Variants in SGCZ observed in about 807,000 individuals in gnomAD.
SGCZ encodes the protein zeta-sarcoglycan.
A neutral mutation model predicts 41.3 loss-of-function variants in SGCZ; 40 were observed. The ratio of observed to expected loss-of-function variants is 0.97; its 90% CI spans 0.75 to 1.26. The LOEUF is 1.26. SGCZ is among the 50% of genes most tolerant of loss of function. The pLI, the probability that SGCZ is intolerant of heterozygous loss-of-function variation, is 0.00. For synonymous variants in SGCZ, 206 were observed against 137.5 expected, an observed-to-expected ratio of 1.50 and a Z score of -3.49; for missense variants, 552 against 369.8, an observed-to-expected ratio of 1.49 and a Z score of -4.04.
chr8:15,183,971 G>T (rs1002310146), intron 1 of SGCZ, among the ~76,000 whole-genome samples: 3 of 152,058 alleles, frequency 2.0e-5, no homozygotes, highest in Non-Finnish European at 4.4e-5. Context: ...AAGAATTATT[G>T]TAAGAAAGAA....
chr8:14,594,825 T>G (rs534075069), intron 1 of SGCZ, among the ~76,000 whole-genome samples: 1 of 151,886 alleles, frequency 6.6e-6, no homozygotes, highest in African/African-American at 2.4e-5. Context: ...TGTTATGACG[T>G]AAGACGTTTT....
chr8:14,263,571 TA>T (rs1401135736), intron 3 of SGCZ, among the ~76,000 whole-genome samples: 3 of 151,728 alleles, frequency 2.0e-5, no homozygotes, highest in Non-Finnish European at 4.4e-5. Flanking sequence ...TATAACTAAA[TA>T]AAATAAATGA....
chr8:14,500,134 G>C (rs749914704), intron 2 of SGCZ, among the ~76,000 whole-genome samples: 2 of 151,992 alleles, frequency 1.3e-5, no homozygotes, highest in Non-Finnish European at 1.5e-5. Context: ...ACTTGGGCTG[G>C]GTAAAACTGC....
intron 1 of SGCZ, among the ~76,000 whole-genome samples, chr8:15,076,903 G>A (rs1258350988): frequency 1.3e-5 from 2 of 151,964 alleles, no homozygotes; most frequent in Non-Finnish European, 2.9e-5. Flanking sequence ...ATACCATTTT[G>A]GCAAAAACCT....
chr8:15,194,185 TCACA>T (rs34127082), intron 1 of SGCZ, among the ~76,000 whole-genome samples: 9,802 of 139,216 alleles, frequency 0.07, 364 homozygotes, highest in African/African-American at 0.1. Context: ...CCACCTCTAA[TCACA>T]CACACACACA....
At chr8:14,991,263 C>T (rs569888705) in intron 1 of SGCZ, among the ~76,000 whole-genome samples, 3 of 152,040 alleles carry the variant, frequency 2.0e-5, no homozygotes, top group Admixed American at 1.3e-4. Flanking sequence ...TAAACAGGCT[C>T]GATAGTAATA....
chr8:15,096,953 G>A (rs1806370143), intron 1 of SGCZ, among the ~76,000 whole-genome samples: 2 of 152,078 alleles, frequency 1.3e-5, no homozygotes, highest in Non-Finnish European at 2.9e-5. Flanking sequence ...CCAAAGCAGT[G>A]GGATTACAGG....
In SGCZ at chr8:14,594,719, G is replaced by T. The variant is rs146215452; in HGVS notation, c.40-39793C>A. On this transcript the variant is annotated intron_variant, in intron 1 of 7. Transcript: ENST00000382080. ...ATAAAATATGAATAACTGTCTGTGCGTTGGGGGTGTCTTGCATATGTGTGT... is the reference window on the plus strand; with the variant it reads ...ATAAAATATGAATAACTGTCTGTGCTTTGGGGGTGTCTTGCATATGTGTGT... Among the ~76,000 whole-genome samples the T allele has an allele frequency of 3.3e-5, 5 of 151,980 alleles. No individual in the cohort carries two copies. The South Asian group carries it at 1.0e-3, about 31-fold the overall frequency.
intron 2 of SGCZ, among the ~76,000 whole-genome samples, chr8:14,470,285 T>A (rs1373838491): frequency 6.6e-6 from 1 of 152,068 alleles, no homozygotes; most frequent in Non-Finnish European, 1.5e-5. Context: ...CACAATGAGG[T>A]TATTTCTTTG....
In SGCZ at chr8:14,709,461, A is replaced by C. The variant is rs760798319; in HGVS notation, c.40-154535T>G. Among the ~76,000 whole-genome samples the C allele has an allele frequency of 4.5e-4, 69 of 152,190 alleles. 1 individual carries two copies. Among genetic ancestry groups the C allele is most frequent in the African/African-American group, 1.2e-3 (49 of 41,452 alleles). ...CAATTACTCTTACAGTATGAATGGA[A>C]GGAGGAAGAAGAGGAGGAACTAAAA... On this transcript the variant is annotated intron_variant, in intron 1 of 7. Coordinates refer to ENST00000382080, the MANE Select transcript of SGCZ (RefSeq NM_139167.4).
At chr8:14,223,955 C>T (rs1806288852) in intron 4 of SGCZ, among the ~76,000 whole-genome samples, 1 of 152,094 alleles carries the variant, frequency 6.6e-6, no homozygotes, top group Non-Finnish European at 1.5e-5. Flanking sequence ...AACTCCAGTA[C>T]ATAGATATTA....
chr8:14,690,607 G>A (rs1393136891), intron 1 of SGCZ: 1 of 152,172 alleles, frequency 6.6e-6, no homozygotes, highest in East Asian at 1.9e-4. Context: ...AGAAAAACTA[G>A]AGACGGGATT....
At chr8:15,217,501 T>C (rs2117175899) in intron 1 of SGCZ, among the ~76,000 whole-genome samples, 1 of 151,568 alleles carries the variant, frequency 6.6e-6, no homozygotes, top group South Asian at 2.1e-4. Flanking sequence ...TTGGTTTGAG[T>C]TCTATAACCA....
At chr8:14,497,015 T>C (rs1198983443) in intron 2 of SGCZ, among the ~76,000 whole-genome samples, 1 of 152,164 alleles carries the variant, frequency 6.6e-6, no homozygotes, top group African/African-American at 2.4e-5. Context: ...TTTTCCCCTA[T>C]GCAGTCTTGC....
intron 2 of SGCZ, among the ~76,000 whole-genome samples, chr8:14,459,092 A>C (rs1000298783): frequency 6.6e-6 from 1 of 152,194 alleles, no homozygotes; most frequent in African/African-American, 2.4e-5. Context: ...TATAACTTGC[A>C]TAAATAATGG....
intron 3 of SGCZ, among the ~76,000 whole-genome samples, chr8:14,240,026 T>C (rs368585086): frequency 4.6e-5 from 7 of 151,486 alleles, no homozygotes; most frequent in Admixed American, 2.6e-4. Flanking sequence ...GAAATAGACT[T>C]GTTAGAATGG....
chr8:14,738,142 T>C lies in SGCZ; in HGVS notation c.40-183216A>G, dbSNP rs778233392. Among the ~76,000 whole-genome samples the C allele has an allele frequency of 3.7e-4, 57 of 152,268 alleles. 1 individual carries two copies. The highest frequency in any genetic ancestry group is 6.8e-3 in the Middle Eastern group (2 of 294). On this transcript the variant is annotated intron_variant, in intron 1 of 7. Coordinates refer to ENST00000382080, the MANE Select transcript of SGCZ (RefSeq NM_139167.4). ...CATCTTCTAGATGAAAGTGATCTTA[T>C]GCAAATTTCTTTGGGATCTCTACTT...
chr8:14,741,126 T>A (rs1161970974), intron 1 of SGCZ, among the ~76,000 whole-genome samples: 1 of 152,052 alleles, frequency 6.6e-6, no homozygotes, highest in Non-Finnish European at 1.5e-5. Context: ...AATATATATG[T>A]CTAAAGCTTG....
chr8:14,143,518 T>C (rs1027201596), intron 5 of SGCZ, among the ~76,000 whole-genome samples: 22 of 152,304 alleles, frequency 1.4e-4, no homozygotes, highest in African/African-American at 4.6e-4. Flanking sequence ...TTTACTTTTA[T>C]ATATTAATAA....
Sources: gnomAD v4.1 joint callset for allele counts (sites outside exome capture counted in the v4.1 genomes callset) on GRCh38, gnomAD v4.1.1 for gene constraint, MANE v1.5 for transcripts, NCBI Gene and HGNC (gene_info 2026-07-23, HGNC 2026-07-21) for gene names.